Variants in LOC400499 observed in about 807,000 individuals in gnomAD.
chr16:11,417,685 A>T, the LOC400499 span: 1 of 399,150 alleles, frequency 2.5e-6, no homozygotes, highest in Admixed American at 4.4e-5. Context: ...CCCTGCCCAC[A>T]ACAAAGCCTC....
the LOC400499 span, chr16:11,462,453 A>G: frequency 2.3e-6 from 3 of 1,282,986 alleles, no homozygotes; most frequent in East Asian, 6.1e-5. Flanking sequence ...TCCTTGAGAC[A>G]GAGTCTCACT....
At chr16:11,401,985 C>T in the LOC400499 span, 41 of 399,158 alleles carry the variant, frequency 1.0e-4, no homozygotes, top group East Asian at 1.5e-3. Flanking sequence ...GCTCAGCCTG[C>T]AGGGTGGAGT....
At chr16:11,454,652 T>A in the LOC400499 span, among the ~76,000 whole-genome samples, 1 of 152,360 alleles carries the variant, frequency 6.6e-6, no homozygotes, top group African/African-American at 2.4e-5. Flanking sequence ...TGGTGGCTCC[T>A]TGACTCAAAC....
the LOC400499 span, among the ~76,000 whole-genome samples, chr16:11,494,289 C>T: frequency 6.7e-6 from 1 of 150,164 alleles, no homozygotes; most frequent in Non-Finnish European, 1.5e-5. Flanking sequence ...CTGGCGCCTT[C>T]CTGGGCATCT....
the LOC400499 span, among the ~76,000 whole-genome samples, chr16:11,511,766 C>T: frequency 6.6e-6 from 1 of 152,206 alleles, no homozygotes; most frequent in East Asian, 1.9e-4. Flanking sequence ...GTGGTTCACA[C>T]CTGTAATCCC....
At chr16:11,491,419 C>T in the LOC400499 span, among the ~76,000 whole-genome samples, 2 of 152,222 alleles carry the variant, frequency 1.3e-5, no homozygotes, top group African/African-American at 4.8e-5. Flanking sequence ...CACTGATTCC[C>T]ATCCTATTTT....
the LOC400499 span, among the ~76,000 whole-genome samples, chr16:11,399,029 G>C: frequency 1.3e-5 from 2 of 152,146 alleles, no homozygotes; most frequent in Admixed American, 1.3e-4. Flanking sequence ...GGAGGAAGGG[G>C]CTTCCAGGGC....
chr16:11,448,127 G>T, the LOC400499 span: 2 of 1,503,620 alleles, frequency 1.3e-6, no homozygotes, highest in South Asian at 2.5e-5. Flanking sequence ...CCAAGCTGCA[G>T]ACCTGCCTTG....
At chr16:11,390,887 G>A in the LOC400499 span, among the ~76,000 whole-genome samples, 1 of 152,192 alleles carries the variant, frequency 6.6e-6, no homozygotes, top group Non-Finnish European at 1.5e-5. Context: ...GAGCTGCTCT[G>A]GTGACAGCTG....
chr16:11,441,222 G>C, the LOC400499 span: 1 of 397,160 alleles, frequency 2.5e-6, no homozygotes, highest in Non-Finnish European at 4.4e-6. Flanking sequence ...TCCACTTATA[G>C]GGCAGGAAGC....
At chr16:11,456,831 C>G in the LOC400499 span, 1 of 1,536,052 alleles carries the variant, frequency 6.5e-7, no homozygotes. Flanking sequence ...GAGCTGCTAG[C>G]CAAGGAGGCC....
the LOC400499 span, among the ~76,000 whole-genome samples, chr16:11,518,714 A>G: frequency 6.6e-6 from 1 of 152,156 alleles, no homozygotes; most frequent in Non-Finnish European, 1.5e-5. Context: ...AGGTCAAAAC[A>G]AATACAGAAA....
the LOC400499 span, chr16:11,478,697 C>A: frequency 2.5e-6 from 1 of 399,126 alleles, no homozygotes; most frequent in Non-Finnish European, 4.4e-6. Context: ...TGGGGGAGAG[C>A]CCAGACAGGT....
the LOC400499 span, chr16:11,491,668 CA>C: frequency 2.6e-6 from 1 of 389,628 alleles, no homozygotes. Flanking sequence ...CACCCCTGCC[CA>C]CACCCCTCCC....
At chr16:11,462,108 A>C in the LOC400499 span, 5 of 1,484,084 alleles carry the variant, frequency 3.4e-6, no homozygotes, top group African/African-American at 1.4e-5. Context: ...AAGGGGTCTC[A>C]TCTCCTACCT....
At chr16:11,414,631 G>A in the LOC400499 span, 1 of 398,500 alleles carries the variant, frequency 2.5e-6, no homozygotes, top group Non-Finnish European at 4.4e-6. Context: ...CAGCAGGAAA[G>A]GGCAAGGCTG....
the LOC400499 span, among the ~76,000 whole-genome samples, chr16:11,409,493 G>A: frequency 1.3e-5 from 2 of 152,270 alleles, no homozygotes; most frequent in South Asian, 2.1e-4. Flanking sequence ...GGGACCATAA[G>A]GCCTGCAACC....
the LOC400499 span, chr16:11,399,505 G>A: frequency 1.5e-3 from 618 of 398,756 alleles, 1 homozygote; most frequent in African/African-American, 0.012. Flanking sequence ...TGCGGTGCTG[G>A]CCCCAGGACA....
the LOC400499 span, among the ~76,000 whole-genome samples, chr16:11,459,188 ATTTTTTTTTTT>A: frequency 2.6e-4 from 31 of 119,888 alleles, no homozygotes; most frequent in Middle Eastern, 4.5e-3. Context: ...TCCTAAACCA[ATTTTTTTTTTT>A]TTTTTTTTTT....
Sources: gnomAD v4.1 joint callset for allele counts (sites outside exome capture counted in the v4.1 genomes callset) on GRCh38, gnomAD v4.1.1 for gene constraint, MANE v1.5 for transcripts.